The following ATP6V1H variants were observed in gnomAD, a reference collection of about 807,000 sequenced individuals.
ATP6V1H encodes the protein ATPase H+ transporting V1 subunit H.
In ATP6V1H, 39 loss-of-function variants were observed where a neutral mutation model predicts 71.7. The observed-to-expected ratio is 0.54, with a 90% CI of 0.42 to 0.71. The LOEUF (loss-of-function observed/expected upper bound fraction) is 0.71. Among genes scored for constraint, ATP6V1H ranks in the 30% least tolerant of loss-of-function variants. The pLI is 0.00. For missense variants in ATP6V1H, 509 were observed against 594.9 expected (o/e 0.86, Z 1.50); for synonymous variants, 192 against 199.3 (o/e 0.96, Z 0.31).
rs927544551 is a variant in ATP6V1H at position 53,786,939 on chromosome 8, T to A, written c.870+8708A>T. On this transcript the variant is annotated intron_variant, in intron 9 of 13. Coordinates refer to ENST00000359530, the MANE Select transcript of ATP6V1H (RefSeq NM_015941.4). ...GACCAGTTTTGCTTGTTTTTTGATT[T>A]TCAATCAGTCATGAGCAAATACTTT... 2.6e-5 allele frequency among the ~76,000 whole-genome samples: 4 copies of A among 152,358 alleles called. No homozygotes were observed. In the East Asian group the frequency reaches 7.7e-4, roughly 29 times the overall value.
At chr8:53,823,988 G>C (rs1404325185) in intron 4 of ATP6V1H, among the ~76,000 whole-genome samples, 1 of 150,454 alleles carries the variant, frequency 6.6e-6, no homozygotes, top group East Asian at 1.9e-4. Flanking sequence ...AGAAACACTG[G>C]TTAATCAAGA....
intron 9 of ATP6V1H, among the ~76,000 whole-genome samples, chr8:53,781,096 G>C (rs927377864): frequency 6.6e-6 from 1 of 152,140 alleles, no homozygotes; most frequent in Non-Finnish European, 1.5e-5. Flanking sequence ...TCTAGTTCTA[G>C]ATCCCTCAGG....
intron 13 of ATP6V1H, among the ~76,000 whole-genome samples, chr8:53,730,211 TA>T (rs1226034482): frequency 6.6e-6 from 1 of 152,234 alleles, no homozygotes; most frequent in African/African-American, 2.4e-5. Flanking sequence ...TCACTTAACT[TA>T]GATTCTGTGA....
At chr8:53,750,262 TA>T (rs1807746347) in intron 12 of ATP6V1H, among the ~76,000 whole-genome samples, 2 of 152,150 alleles carry the variant, frequency 1.3e-5, no homozygotes, top group African/African-American at 4.8e-5. Context: ...AAGTGTTTCT[TA>T]AAACTACAAA....
chr8:53,755,711 T>A (rs1320787604), intron 12 of ATP6V1H, among the ~76,000 whole-genome samples: 1 of 5,102 alleles, frequency 2.0e-4, no homozygotes, highest in Admixed American at 1.6e-3. Flanking sequence ...TATATATATA[T>A]ATATATATAT....
chr8:53,812,397 C>G (rs971078462), intron 6 of ATP6V1H, among the ~76,000 whole-genome samples: 1 of 152,228 alleles, frequency 6.6e-6, no homozygotes, highest in Non-Finnish European at 1.5e-5. Flanking sequence ...CTAATGAAAA[C>G]TATTCTAGAC....
At chr8:53,716,743 GC>G (rs1806439372) in intron 13 of ATP6V1H, among the ~76,000 whole-genome samples, 1 of 152,182 alleles carries the variant, frequency 6.6e-6, no homozygotes, top group African/African-American at 2.4e-5. Flanking sequence ...ATAAGCATGT[GC>G]CCACAGTATG....
At chr8:53,832,396 A>G (rs1025471029) in intron 3 of ATP6V1H, 2 of 152,138 alleles carry the variant, frequency 1.3e-5, no homozygotes, top group Non-Finnish European at 2.9e-5. Context: ...AACATTTTAA[A>G]CCACTGTATA....
Position 53,802,661 on chromosome 8 carries a change from A to G in ATP6V1H, c.580-765T>C, listed in dbSNP as rs186510206. Among the ~76,000 whole-genome samples, 398 of 152,320 alleles carry G rather than the reference A, an allele frequency of 2.6e-3. 6 individuals are homozygous for G. Among genetic ancestry groups the G allele is most frequent in the African/African-American group, 9.1e-3 (380 of 41,570 alleles). ...CTGGAATCCAGGAGGCAGAGGTTGCAGTGAGCCAAGATCACACCACTGCAC... is the reference window on the plus strand; with the variant it reads ...CTGGAATCCAGGAGGCAGAGGTTGCGGTGAGCCAAGATCACACCACTGCAC... On this transcript the variant is annotated intron_variant, in intron 7 of 13. Coordinates refer to ENST00000359530, the MANE Select transcript of ATP6V1H (RefSeq NM_015941.4).
chr8:53,773,278 G>A (rs1433033515), intron 9 of ATP6V1H, among the ~76,000 whole-genome samples: 2 of 152,176 alleles, frequency 1.3e-5, no homozygotes, highest in Non-Finnish European at 2.9e-5. Context: ...TAGAGTAGCA[G>A]CAACAGTATA....
chr8:53,772,925 AAAC>A (rs1808723468), intron 9 of ATP6V1H, among the ~76,000 whole-genome samples: 2 of 151,328 alleles, frequency 1.3e-5, no homozygotes, highest in Admixed American at 1.3e-4. Context: ...AAAAAAAACA[AAAC>A]AGTAACAATT....
At chr8:53,818,843 AG>A (rs1274080051) in intron 4 of ATP6V1H, among the ~76,000 whole-genome samples, 2 of 152,228 alleles carry the variant, frequency 1.3e-5, no homozygotes, top group Non-Finnish European at 2.9e-5. Flanking sequence ...AAATAGCACA[AG>A]GAATTATGAT....
At chr8:53,740,851 A>G (rs1246815787) in intron 13 of ATP6V1H, among the ~76,000 whole-genome samples, 2 of 152,194 alleles carry the variant, frequency 1.3e-5, no homozygotes, top group Non-Finnish European at 2.9e-5. Context: ...GTAATAAATT[A>G]TTACTTGAGC....
At chr8:53,780,028 G>A (rs772133612) in intron 9 of ATP6V1H, among the ~76,000 whole-genome samples, 8 of 151,902 alleles carry the variant, frequency 5.3e-5, no homozygotes, top group Non-Finnish European at 1.2e-4. Context: ...GCGTGGTGCT[G>A]CATGCCTGTA....
intron 11 of ATP6V1H, among the ~76,000 whole-genome samples, chr8:53,767,509 TAAAG>T (rs1808510512): frequency 6.6e-6 from 1 of 152,164 alleles, no homozygotes; most frequent in Non-Finnish European, 1.5e-5. Context: ...ACTCATTAAA[TAAAG>T]ATACACTCTT....
intron 12 of ATP6V1H, among the ~76,000 whole-genome samples, chr8:53,750,565 T>C (rs891547255): frequency 1.3e-5 from 2 of 152,152 alleles, no homozygotes; most frequent in African/African-American, 2.4e-5. Flanking sequence ...GCTTACTGTA[T>C]CTAAAAATGT....
rs145667107 is a variant in ATP6V1H at position 53,731,373 on chromosome 8, A to G, written c.1391+12204T>C. On this transcript the variant is annotated intron_variant, in intron 13 of 13. Coordinates refer to ENST00000359530, the MANE Select transcript of ATP6V1H (RefSeq NM_015941.4). ...AAAGAAAGGCAAAAATGAGATCAAT[A>G]GTCAGACAGCCCAGCGCCACACCCC... is the stretch of plus-strand genomic sequence containing the variant. Among the ~76,000 whole-genome samples, 347 of 152,362 alleles carry G rather than the reference A, an allele frequency of 2.3e-3. 2 individuals carry two copies. The highest frequency in any genetic ancestry group is 8.1e-3 in the African/African-American group (336 of 41,590).
At chr8:53,735,391 A>G (rs541724197) in intron 13 of ATP6V1H, among the ~76,000 whole-genome samples, 41 of 152,236 alleles carry the variant, frequency 2.7e-4, no homozygotes, top group Non-Finnish European at 5.0e-4. Flanking sequence ...ATTAAAGATC[A>G]CATGAAAACT....
At chr8:53,830,532 A>G (rs1015085968) in intron 3 of ATP6V1H, among the ~76,000 whole-genome samples, 2 of 152,112 alleles carry the variant, frequency 1.3e-5, no homozygotes, top group Non-Finnish European at 2.9e-5. Context: ...AAGTGGAAAC[A>G]CTTTAACCTA....
Sources: allele counts gnomAD v4.1 joint callset (sites outside exome capture counted in the v4.1 genomes callset), GRCh38; gene constraint gnomAD v4.1.1; transcripts MANE v1.5; gene names NCBI Gene and HGNC (gene_info 2026-07-23, HGNC 2026-07-21).